Variants in NFATC1 observed in about 807,000 individuals in gnomAD.
NFATC1 encodes the protein nuclear factor of activated T cells 1, also known as nuclear factor of activated T-cells, cytoplasmic 1.
A neutral mutation model predicts 76.0 loss-of-function variants in NFATC1; 22 were observed. The ratio of observed to expected loss-of-function variants is 0.29; its 90% CI spans 0.21 to 0.41. The LOEUF is 0.41. Among genes scored for constraint, NFATC1 ranks in the 10% least tolerant of loss-of-function variants. NFATC1 has a pLI of 1.00. For synonymous variants in NFATC1, 704 were observed against 613.1 expected (o/e 1.15, Z -2.19); for missense variants, 1,357 against 1,337.7 (o/e 1.01, Z -0.23).
In NFATC1 at chr18:79,465,411, G is replaced by C. The variant is rs1260618600; in HGVS notation, c.1960-2039G>C. Reference sequence around the variant, plus strand: ...CCACCCATCCAGCCTGCCTCACGGGGTCCCCGCCTCCACCCAGTCTGGCCC... The same window carrying C: ...CCACCCATCCAGCCTGCCTCACGGGCTCCCCGCCTCCACCCAGTCTGGCCC... On this transcript the variant is annotated intron_variant, in intron 7 of 9. Coordinates refer to ENST00000427363, the MANE Select transcript of NFATC1 (RefSeq NM_001278669.2). This position sits in a 1 kb window ranked among gnomAD's most constrained non-coding sequence, Gnocchi z 4.2. 6.6e-6 allele frequency among the ~76,000 whole-genome samples: 1 copy of C among 151,894 alleles called. No individual in the cohort carries two copies. The highest frequency in any genetic ancestry group is 2.4e-5 in the African/African-American group (1 of 41,336).
chr18:79,494,562 G>C (rs2089812329), intron 9 of NFATC1, among the ~76,000 whole-genome samples: 2 of 105,960 alleles, frequency 1.9e-5, no homozygotes, highest in African/African-American at 7.0e-5. Context: ...CCATGAACCT[G>C]GTACCGCCGG....
intron 1 of NFATC1, among the ~76,000 whole-genome samples, chr18:79,402,827 C>T (rs931833058): frequency 1.3e-5 from 2 of 152,182 alleles, no homozygotes; most frequent in African/African-American, 4.8e-5. Context: ...TTATTTATAT[C>T]ACATTGTTAA....
chr18:79,474,513 G>A (rs2088955615), intron 8 of NFATC1, among the ~76,000 whole-genome samples: 1 of 149,350 alleles, frequency 6.7e-6, no homozygotes, highest in Non-Finnish European at 1.5e-5. Flanking sequence ...ACGTTGCAAG[G>A]GAAGCGTGTT....
intron 1 of NFATC1, 118 bp downstream of exon 1, chr18:79,396,469 C>A: frequency 1.7e-6 from 1 of 573,446 alleles, no homozygotes; most frequent in Non-Finnish European, 2.4e-6. Flanking sequence ...ACGAGGTCGG[C>A]CGGGTCTGTG....
intron 8 of NFATC1, chr18:79,469,333 T>A (rs1163980965): frequency 1.0e-6 from 1 of 985,318 alleles, no homozygotes; most frequent in Non-Finnish European, 1.2e-6. Flanking sequence ...CATGCGGCAG[T>A]CCCCACCGTG....
At chr18:79,520,182 C>T (rs1455150782) in intron 9 of NFATC1, among the ~76,000 whole-genome samples, 1 of 152,222 alleles carries the variant, frequency 6.6e-6, no homozygotes, top group Non-Finnish European at 1.5e-5. Context: ...GAAGCCCCTC[C>T]GGGCCCCTCA....
At chr18:79,498,588 A>G (rs1220728603) in intron 9 of NFATC1, among the ~76,000 whole-genome samples, 1 of 152,226 alleles carries the variant, frequency 6.6e-6, no homozygotes, top group Non-Finnish European at 1.5e-5. Flanking sequence ...TTATAGAAAG[A>G]GATGATTAGA....
chr18:79,508,080 TA>T (rs1406385205), intron 9 of NFATC1, among the ~76,000 whole-genome samples: 1 of 152,290 alleles, frequency 6.6e-6, no homozygotes, highest in African/African-American at 2.4e-5. Context: ...GACATTGTAA[TA>T]AAAATCAGAA....
intron 9 of NFATC1, among the ~76,000 whole-genome samples, chr18:79,521,741 T>A (rs1198278291): frequency 2.4e-5 from 1 of 42,318 alleles, no homozygotes; most frequent in Non-Finnish European, 4.1e-5. Flanking sequence ...GTGTGTGGGG[T>A]GCATCCACAG....
intron 2 of NFATC1, among the ~76,000 whole-genome samples, chr18:79,416,328 G>A (rs1466253748): frequency 6.6e-6 from 1 of 152,198 alleles, no homozygotes; most frequent in Non-Finnish European, 1.5e-5. Context: ...AGGCTCAGTA[G>A]CGATTCCTCC....
At chr18:79,435,356 T>G (rs141940901) in intron 3 of NFATC1, among the ~76,000 whole-genome samples, 885 of 64,350 alleles carry the variant, frequency 0.014, 7 homozygotes, top group Middle Eastern at 0.029. Context: ...TTGTTTGTTT[T>G]TTTTTTTTTT....
chr18:79,398,537 G>A (rs908144410), intron 1 of NFATC1, among the ~76,000 whole-genome samples: 2 of 152,214 alleles, frequency 1.3e-5, no homozygotes, highest in Non-Finnish European at 2.9e-5. Flanking sequence ...GCACTGGGGC[G>A]GGGGAAGGGG....
At position 79,411,483 on chromosome 18, in the gene NFATC1, C is replaced by T. The variant is rs747406753; in HGVS notation, c.1208C>T (p.Ser403Phe). The T allele has an allele frequency of 2.2e-5, 33 of 1,507,800 alleles. No homozygotes were observed. The highest frequency in any genetic ancestry group is 9.7e-6 in the Non-Finnish European group (11 of 1,130,424). The allele number at this position is 1,507,800 out of a possible 1,614,324, so 93.4% of individuals were successfully genotyped here. A position where few individuals can be genotyped will look rare whatever the true frequency, so the allele number is the denominator to read the frequency against. ...PYQWAKPKPL[S>F]PTSYMSPTLP... ...CAGTGGGCGAAGCCCAAGCCCCTGT[C>T]CCCTACGTCCTACATGAGGTGAGCC... Residue 403 changes from serine to phenylalanine, a missense_variant, in exon 2 of 10, where the codon TCC (serine) becomes TTC (phenylalanine). This residue lies in a region of NFATC1 where 691 missense variants were observed against 613.1 expected (regional missense o/e 1.13). Coordinates refer to ENST00000427363, the MANE Select transcript of NFATC1 (RefSeq NM_001278669.2).
At chr18:79,500,580 A>G (rs1292685448) in intron 9 of NFATC1, among the ~76,000 whole-genome samples, 8 of 152,174 alleles carry the variant, frequency 5.3e-5, no homozygotes, top group African/African-American at 1.7e-4. Context: ...AAAAATCAAT[A>G]AAACCAAAGT....
intron 1 of NFATC1, among the ~76,000 whole-genome samples, chr18:79,403,586 C>T (rs950983149): frequency 5.3e-5 from 8 of 152,264 alleles, no homozygotes; most frequent in African/African-American, 9.6e-5. Flanking sequence ...GCACTGTCGC[C>T]GTGGCAACTC....
At chr18:79,481,209 A>C (rs897785839) in intron 8 of NFATC1, among the ~76,000 whole-genome samples, 2 of 152,210 alleles carry the variant, frequency 1.3e-5, no homozygotes, top group African/African-American at 4.8e-5. Flanking sequence ...ACATGCTTCA[A>C]GCTGGAACAG....
intron 9 of NFATC1, among the ~76,000 whole-genome samples, chr18:79,502,954 G>T (rs1214620106): frequency 1.3e-5 from 2 of 152,174 alleles, no homozygotes; most frequent in Admixed American, 6.5e-5. Context: ...ATGTGACTCA[G>T]CAGTTCCACT....
chr18:79,400,032 C>T (rs2148124548), intron 1 of NFATC1, among the ~76,000 whole-genome samples: 1 of 152,000 alleles, frequency 6.6e-6, no homozygotes, highest in Non-Finnish European at 1.5e-5. Context: ...CCTGGTGCCG[C>T]TCGTGGGGTC....
chr18:79,440,549 CT>C (rs1484454517), intron 3 of NFATC1, among the ~76,000 whole-genome samples: 2 of 152,246 alleles, frequency 1.3e-5, no homozygotes, highest in Non-Finnish European at 2.9e-5. Context: ...CGTGGTGCCC[CT>C]GGGCCACACC....
Sources: gnomAD v4.1 joint callset for allele counts (sites outside exome capture counted in the v4.1 genomes callset) on GRCh38, gnomAD v4.1.1 for gene constraint, gnomAD v4.1.1 regional missense constraint, Gnocchi (gnomAD v3.1) non-coding constraint, MANE v1.5 for transcripts, NCBI Gene and HGNC (gene_info 2026-07-23, HGNC 2026-07-21) for gene names.